The following PLCXD2 variants were observed in gnomAD, a reference collection of about 807,000 sequenced individuals.
The protein encoded by PLCXD2 is phosphatidylinositol specific phospholipase C X domain containing 2, also known as PI-PLC X domain-containing protein 2.
A neutral mutation model predicts 28.6 loss-of-function variants in PLCXD2; 21 were observed. That is an observed-to-expected ratio of 0.73 (90% confidence interval 0.52 to 1.06). The LOEUF (loss-of-function observed/expected upper bound fraction) is 1.06. Among genes scored for constraint, PLCXD2 ranks in the 50% least tolerant of loss-of-function variants. The pLI is 0.00. For synonymous variants in PLCXD2, 140 were observed against 150.1 expected (o/e 0.93, Z 0.49); for missense variants, 369 against 376.7 (o/e 0.98, Z 0.17).
At chr3:111,711,987 T>C (rs541828627) in intron 2 of PLCXD2, among the ~76,000 whole-genome samples, 1 of 152,104 alleles carries the variant, frequency 6.6e-6, no homozygotes, top group African/African-American at 2.4e-5. Flanking sequence ...AAACTGAACA[T>C]GAACCACTGA....
chr3:111,715,301 A>C (rs550032392), intron 3 of PLCXD2, among the ~76,000 whole-genome samples: 1 of 152,350 alleles, frequency 6.6e-6, no homozygotes. Flanking sequence ...TTGTGTATCC[A>C]CACTGTTTTC....
chr3:111,683,205 G>GA (rs953677585), intron 1 of PLCXD2, among the ~76,000 whole-genome samples: 1 of 152,210 alleles, frequency 6.6e-6, no homozygotes, highest in African/African-American at 2.4e-5. Flanking sequence ...CCCTTGGGTT[G>GA]AAATATAAAT....
At chr3:111,716,726 G>A (rs1187700687) in intron 3 of PLCXD2, among the ~76,000 whole-genome samples, 3 of 152,022 alleles carry the variant, frequency 2.0e-5, no homozygotes, top group Non-Finnish European at 2.9e-5. Context: ...TCCCATCCCC[G>A]CCATCCCCAA....
chr3:111,685,289 T>C (rs547954092), intron 1 of PLCXD2, among the ~76,000 whole-genome samples: 4 of 152,344 alleles, frequency 2.6e-5, no homozygotes, highest in South Asian at 4.1e-4. Context: ...TTTAGAAAAT[T>C]TGTTGAGTTT....
At chr3:111,681,187 C>T (rs1940709248) in intron 1 of PLCXD2, among the ~76,000 whole-genome samples, 3 of 152,124 alleles carry the variant, frequency 2.0e-5, no homozygotes. Flanking sequence ...ACGGAGGGTT[C>T]CCCAGGATGT....
Position 111,695,996 on chromosome 3 carries a change from T to C in PLCXD2, c.164-11930T>C, listed in dbSNP as rs114614629. Among the ~76,000 whole-genome samples the C allele has an allele frequency of 2.9e-3, 437 of 152,302 alleles. 2 individuals are homozygous for C. Among genetic ancestry groups the C allele is most frequent in the African/African-American group, 8.7e-3 (361 of 41,574 alleles). ...TCAGAAAAATTCAACTCTTTAAAAT[T>C]GGTTAACAACTCATGAGGTTGACAT... On this transcript the variant is annotated intron_variant, in intron 1 of 4. Transcript: ENST00000477665.
chr3:111,688,130 T>C (rs1031264376), intron 1 of PLCXD2, among the ~76,000 whole-genome samples: 1 of 152,228 alleles, frequency 6.6e-6, no homozygotes, highest in African/African-American at 2.4e-5. Context: ...CTGTTAGTTT[T>C]TTCATCTGTA....
intron 1 of PLCXD2, among the ~76,000 whole-genome samples, chr3:111,694,686 A>G (rs1559793614): frequency 6.6e-6 from 1 of 152,182 alleles, no homozygotes; most frequent in Non-Finnish European, 1.5e-5. Context: ...AGTCAGGAAG[A>G]TGTTCCACAG....
intron 3 of PLCXD2, among the ~76,000 whole-genome samples, chr3:111,716,797 G>A (rs1005839514): frequency 9.2e-5 from 14 of 152,220 alleles, no homozygotes; most frequent in Admixed American, 1.3e-4. Flanking sequence ...TTGCAGATAC[G>A]GCCTTTAAAG....
intron 1 of PLCXD2, among the ~76,000 whole-genome samples, chr3:111,689,605 G>C (rs1940845550): frequency 6.6e-6 from 1 of 152,110 alleles, no homozygotes; most frequent in South Asian, 2.1e-4. Flanking sequence ...TACCCCATTG[G>C]GACTGTTTCT....
intron 1 of PLCXD2, among the ~76,000 whole-genome samples, chr3:111,700,119 G>T (rs1941020388): frequency 6.6e-6 from 1 of 152,176 alleles, no homozygotes; most frequent in Non-Finnish European, 1.5e-5. Context: ...TAGAAGGTTT[G>T]GGGTGAGCTC....
intron 1 of PLCXD2, among the ~76,000 whole-genome samples, chr3:111,686,295 C>T (rs150660455): frequency 6.6e-6 from 1 of 152,294 alleles, no homozygotes; most frequent in Non-Finnish European, 1.5e-5. Flanking sequence ...TGAGATGCAC[C>T]TTGGCTTCTC....
At chr3:111,705,879 G>C (rs1315194634) in intron 1 of PLCXD2, among the ~76,000 whole-genome samples, 1 of 149,822 alleles carries the variant, frequency 6.7e-6, no homozygotes, top group Admixed American at 6.7e-5. Context: ...TAAAAAGACA[G>C]GGTCTTACTC....
At chr3:111,679,539 G>C (rs1481664980) in intron 1 of PLCXD2, among the ~76,000 whole-genome samples, 1 of 152,180 alleles carries the variant, frequency 6.6e-6, no homozygotes, top group Non-Finnish European at 1.5e-5. Context: ...ATAATTGAAA[G>C]TATGGAAAGT....
intron 1 of PLCXD2, among the ~76,000 whole-genome samples, chr3:111,701,950 C>G (rs1941049961): frequency 6.6e-6 from 1 of 151,918 alleles, no homozygotes; most frequent in Non-Finnish European, 1.5e-5. Context: ...AAAATACGCA[C>G]TTTGTTGTGT....
chr3:111,697,674 A>G (rs1365714048), intron 1 of PLCXD2, among the ~76,000 whole-genome samples: 1 of 152,156 alleles, frequency 6.6e-6, no homozygotes, highest in Admixed American at 6.5e-5. Context: ...TGGATTATAT[A>G]GGCTTCTACT....
intron 3 of PLCXD2, 25 bp downstream of exon 3, chr3:111,714,153 A>G: frequency 6.2e-7 from 1 of 1,605,188 alleles, no homozygotes; most frequent in Non-Finnish European, 8.5e-7. Flanking sequence ...CCACCCCACA[A>G]GGAAAGCTTT....
intron 3 of PLCXD2, among the ~76,000 whole-genome samples, chr3:111,714,480 T>G (rs1361212292): frequency 6.6e-6 from 1 of 152,154 alleles, no homozygotes; most frequent in Non-Finnish European, 1.5e-5. Flanking sequence ...TTAAGAAGCA[T>G]TCAATATAGG....
At chr3:111,704,222 G>T (rs1037110690) in intron 1 of PLCXD2, among the ~76,000 whole-genome samples, 1 of 152,222 alleles carries the variant, frequency 6.6e-6, no homozygotes, top group Non-Finnish European at 1.5e-5. Flanking sequence ...TTAAGAACAA[G>T]GTTAGTAGTG....
Sources: gnomAD v4.1 joint callset for allele counts (sites outside exome capture counted in the v4.1 genomes callset) on GRCh38, gnomAD v4.1.1 for gene constraint, MANE v1.5 for transcripts, NCBI Gene and HGNC (gene_info 2026-07-23, HGNC 2026-07-21) for gene names.